The following FMN1 variants were observed in gnomAD, a reference collection of about 807,000 sequenced individuals.
The protein encoded by FMN1 is formin 1.
FMN1 carries 110 observed loss-of-function variants against 132.4 expected under a neutral mutation model. That is an observed-to-expected ratio of 0.83 (90% CI 0.71 to 0.97). The LOEUF (loss-of-function observed/expected upper bound fraction) is 0.97. Ranked by LOEUF, FMN1 falls within the 50% of genes least tolerant of loss-of-function variation. FMN1 has a pLI of 0.00. For missense variants in FMN1, 1,792 were observed against 1,705.3 expected, an observed-to-expected ratio of 1.05 and a Z score of -0.90; for synonymous variants, 722 against 651.7, an observed-to-expected ratio of 1.11 and a Z score of -1.64.
At chr15:33,055,034 CA>C (rs2037153176) in intron 6 of FMN1, among the ~76,000 whole-genome samples, 1 of 152,140 alleles carries the variant, frequency 6.6e-6, no homozygotes, top group South Asian at 2.1e-4. Flanking sequence ...TTAACCTGAA[CA>C]ACTAGTTCAG....
rs1467979554 is a variant in FMN1 at position 32,778,179 on chromosome 15, TATTTATATATTATATAATACATTTA to T, written c.4131-1285_4131-1261del. Among the ~76,000 whole-genome samples, 14 of 100,318 alleles carry T rather than the reference TATTTATATATTATATAATACATTTA, an allele frequency of 1.4e-4. 1 individual carries two copies. In the East Asian group the frequency reaches 3.5e-3, roughly 25 times the overall value. The allele number at this position is 100,318 out of a possible 152,430, so 65.8% of individuals were successfully genotyped here. ...TTTATTATATATTATATAATACATT[TATTTATATATTATATAATACATTTA>T]TTTATATATTATATAATACATTTAT... On this transcript the variant is annotated intron_variant, in intron 19 of 20. Transcript: ENST00000616417.
At chr15:33,006,169 A>G (rs1018498477) in intron 7 of FMN1, among the ~76,000 whole-genome samples, 1 of 152,206 alleles carries the variant, frequency 6.6e-6, no homozygotes, top group Non-Finnish European at 1.5e-5. Flanking sequence ...TAATATACAA[A>G]AAATATTTAA....
At chr15:33,027,931 CA>C (rs79744334) in intron 6 of FMN1, among the ~76,000 whole-genome samples, 8,640 of 152,186 alleles carry the variant, frequency 0.057, 274 homozygotes, top group South Asian at 0.11. Flanking sequence ...CACATCTCAC[CA>C]CCTGTGATCC....
chr15:32,842,760 T>C (rs1057006840), intron 17 of FMN1, among the ~76,000 whole-genome samples: 1 of 151,538 alleles, frequency 6.6e-6, no homozygotes, highest in African/African-American at 2.4e-5. Context: ...TATTACTACC[T>C]CTGTCTTTGA....
At chr15:32,838,789 G>C (rs1296731072) in intron 17 of FMN1, among the ~76,000 whole-genome samples, 1 of 152,222 alleles carries the variant, frequency 6.6e-6, no homozygotes, top group African/African-American at 2.4e-5. Flanking sequence ...CAAATGAGCT[G>C]AATGACAGTG....
chr15:32,997,749 T>C (rs76701377), intron 7 of FMN1, among the ~76,000 whole-genome samples: 7 of 152,134 alleles, frequency 4.6e-5, no homozygotes, highest in Non-Finnish European at 8.8e-5. Context: ...CCATACCCAA[T>C]TTTTTACACT....
At chr15:32,792,167 T>C (rs1020712678) in intron 19 of FMN1, among the ~76,000 whole-genome samples, 5 of 151,318 alleles carry the variant, frequency 3.3e-5, no homozygotes, top group Non-Finnish European at 7.4e-5. Context: ...GAAACTACCA[T>C]TGGTGTCAAA....
chr15:32,890,947 C>G (rs150791395), intron 15 of FMN1, among the ~76,000 whole-genome samples: 1 of 152,132 alleles, frequency 6.6e-6, no homozygotes, highest in Non-Finnish European at 1.5e-5. Flanking sequence ...GTTTCATTCT[C>G]CTACATGTGG....
chr15:32,991,210 C>T (rs557769040), intron 7 of FMN1, among the ~76,000 whole-genome samples: 19 of 152,214 alleles, frequency 1.2e-4, no homozygotes, highest in South Asian at 1.2e-3. Flanking sequence ...GAAGAAATGC[C>T]ACCTCTTTCT....
chr15:33,120,982 GCTT>G (rs984439549), intron 4 of FMN1, among the ~76,000 whole-genome samples: 2 of 151,934 alleles, frequency 1.3e-5, no homozygotes, highest in South Asian at 2.1e-4. Flanking sequence ...TCCTCCCATT[GCTT>G]CTTGATAGAG....
At chr15:32,787,408 C>T (rs921097950) in intron 19 of FMN1, among the ~76,000 whole-genome samples, 1 of 152,240 alleles carries the variant, frequency 6.6e-6, no homozygotes, top group East Asian at 1.9e-4. Context: ...GTCTGACCTT[C>T]GGCCCTGACC....
At chr15:32,811,943 C>G (rs1366804758) in intron 17 of FMN1, among the ~76,000 whole-genome samples, 3 of 152,118 alleles carry the variant, frequency 2.0e-5, no homozygotes, top group South Asian at 2.1e-4. Context: ...GCCACCACAC[C>G]CAGCCTTTTT....
intron 16 of FMN1, among the ~76,000 whole-genome samples, chr15:32,858,312 T>C (rs1379015555): frequency 6.6e-6 from 1 of 152,234 alleles, no homozygotes; most frequent in Non-Finnish European, 1.5e-5. Context: ...TTAAATGTTC[T>C]CTGAAATTAG....
intron 19 of FMN1, among the ~76,000 whole-genome samples, chr15:32,779,475 T>C (rs2056594326): frequency 6.6e-6 from 1 of 152,134 alleles, no homozygotes; most frequent in Non-Finnish European, 1.5e-5. Flanking sequence ...GGAGAAGAAA[T>C]TGGTCTAGTT....
Position 33,008,221 on chromosome 15 carries a change from G to A in FMN1, c.2162-146C>T, listed in dbSNP as rs565031003. 1.2e-5 allele frequency: 8 copies of A among 672,828 alleles called. No individual in the cohort carries two copies. The Admixed American group carries it at 1.4e-4, about 11-fold the overall frequency. The allele number at this position is 672,828 out of a possible 1,614,324, so 41.7% of individuals were successfully genotyped here. On this transcript the variant is annotated intron_variant, in intron 6 of 20. Transcript: ENST00000616417. ...CAAGAGATGTTAAAAATTACAGAAA[G>A]ATAGGACAAGTAGTTCAGGGTAAAA...
At position 32,969,323 on chromosome 15, in the gene FMN1, T is replaced by C; in HGVS notation, c.2378A>G (p.Asp793Gly). ...ERKDVCISTD[D>G]DCPPKTFRNV... ...TCTGAAGGTCTTTGGAGGGCAGTCA[T>C]CATCGGTGGAAATGCACACATCTTT... The change falls in exon 8 of 21, where the codon GAT becomes GGT. Residue 793 changes from aspartate to glycine, a missense_variant. By Grantham distance (94) the Asp-to-Gly change is moderately conservative (BLOSUM62 -1). This residue lies in a region of FMN1 where 1,150 missense variants were observed against 1,043.1 expected (regional missense o/e 1.10). Coordinates refer to ENST00000616417, the MANE Select transcript of FMN1 (RefSeq NM_001277313.2). 6.2e-7 allele frequency: 1 copy of C among 1,613,992 alleles called. No homozygotes were observed. The highest frequency in any genetic ancestry group is 8.5e-7 in the Non-Finnish European group (1 of 1,179,890).
chr15:33,070,440 A>G (rs979128296), intron 5 of FMN1, among the ~76,000 whole-genome samples: 1 of 148,300 alleles, frequency 6.7e-6, no homozygotes, highest in African/African-American at 2.5e-5. Flanking sequence ...AGACATAACT[A>G]ATTATTGATT....
intron 3 of FMN1, among the ~76,000 whole-genome samples, chr15:33,178,611 G>C (rs762777428): frequency 1.6e-4 from 25 of 152,050 alleles, no homozygotes; most frequent in Non-Finnish European, 3.4e-4. Flanking sequence ...ATACTGCCTC[G>C]GTTAAAATCC....
chr15:32,826,888 C>T (rs558737373), intron 17 of FMN1, among the ~76,000 whole-genome samples: 16 of 151,782 alleles, frequency 1.1e-4, no homozygotes, highest in African/African-American at 3.6e-4. Flanking sequence ...CCTTCAACTA[C>T]TTTCTAAATA....
Sources: allele counts gnomAD v4.1 joint callset (sites outside exome capture counted in the v4.1 genomes callset), GRCh38; gene constraint gnomAD v4.1.1; regional missense constraint gnomAD v4.1.1; transcripts MANE v1.5; gene names NCBI Gene and HGNC (gene_info 2026-07-23, HGNC 2026-07-21).